ASH1L: variants seen among roughly 807,000 people sequenced by gnomAD.
The protein encoded by ASH1L is ASH1 like histone lysine methyltransferase.
Under a neutral mutation model 269.0 loss-of-function variants are expected in ASH1L, and 23 were observed. The ratio of observed to expected loss-of-function variants is 0.09; its 90% CI spans 0.06 to 0.12. ASH1L has a LOEUF of 0.12. Among genes scored for constraint, ASH1L ranks in the 10% least tolerant of loss-of-function variants. The pLI is 1.00. For synonymous variants in ASH1L, 1,187 were observed against 1,253.5 expected (o/e 0.95, Z 1.12); for missense variants, 2,912 against 3,567.8 (o/e 0.82, Z 4.68).
intron 1 of ASH1L, among the ~76,000 whole-genome samples, chr1:155,536,697 C>T (rs1190367939): frequency 6.6e-6 from 1 of 152,070 alleles, no homozygotes; most frequent in Non-Finnish European, 1.5e-5. Flanking sequence ...CATGCCACTG[C>T]ACTCCAGCCT....
chr1:155,498,382 C>A (rs1057092382), intron 2 of ASH1L, among the ~76,000 whole-genome samples: 1 of 152,074 alleles, frequency 6.6e-6, no homozygotes. Context: ...GGACTACAGG[C>A]ACACACCACC....
chr1:155,490,542 C>G (rs1466306002), intron 2 of ASH1L, among the ~76,000 whole-genome samples: 2 of 151,386 alleles, frequency 1.3e-5, no homozygotes. Context: ...TGCTTGAACC[C>G]AGGAGACGGA....
At chr1:155,482,897 T>C (rs1441164586) in intron 2 of ASH1L, among the ~76,000 whole-genome samples, 1 of 152,206 alleles carries the variant, frequency 6.6e-6, no homozygotes, top group Non-Finnish European at 1.5e-5. Context: ...TAAATGATTC[T>C]AAACCTATAG....
At chr1:155,471,321 A>G (rs1270970540) in intron 3 of ASH1L, among the ~76,000 whole-genome samples, 2 of 152,266 alleles carry the variant, frequency 1.3e-5, no homozygotes, top group Non-Finnish European at 2.9e-5. Flanking sequence ...CGACAGTGAG[A>G]TGAAAGCCTG....
chr1:155,395,585 G>C, intron 6 of ASH1L, 32 bp from the exon 7 acceptor site: 1 of 1,553,558 alleles, frequency 6.4e-7, no homozygotes, highest in South Asian at 1.2e-5. Context: ...AAACAGTCAA[G>C]AGGCAAAGAA....
chr1:155,537,283 T>C (rs979299876), intron 1 of ASH1L, among the ~76,000 whole-genome samples: 2 of 152,090 alleles, frequency 1.3e-5, no homozygotes, highest in African/African-American at 4.8e-5. Context: ...TGAAACGAAT[T>C]TAAAGAAACA....
At chr1:155,496,900 C>A (rs879784360) in intron 2 of ASH1L, among the ~76,000 whole-genome samples, 3 of 152,070 alleles carry the variant, frequency 2.0e-5, no homozygotes, top group Non-Finnish European at 4.4e-5. Context: ...CCCGTCACAA[C>A]CTCCCAAAGT....
chr1:155,413,805 A>G (rs1040974313), intron 6 of ASH1L, among the ~76,000 whole-genome samples: 1 of 152,116 alleles, frequency 6.6e-6, no homozygotes, highest in Non-Finnish European at 1.5e-5. Context: ...TGAAGGTACC[A>G]TTATGAACTT....
At chr1:155,509,379 A>T (rs1010496236) in intron 2 of ASH1L, among the ~76,000 whole-genome samples, 24 of 152,208 alleles carry the variant, frequency 1.6e-4, no homozygotes, top group African/African-American at 5.8e-4. Flanking sequence ...ACAAACAAAA[A>T]ATGTAAATAA....
intron 1 of ASH1L, among the ~76,000 whole-genome samples, chr1:155,558,914 G>A (rs1021371811): frequency 1.3e-5 from 2 of 149,098 alleles, no homozygotes; most frequent in African/African-American, 2.5e-5. Flanking sequence ...GGTGGATCTC[G>A]GCTCACTGCA....
At chr1:155,515,811 C>T (rs190930568) in intron 2 of ASH1L, among the ~76,000 whole-genome samples, 40 of 125,818 alleles carry the variant, frequency 3.2e-4, no homozygotes, top group African/African-American at 1.2e-3. Flanking sequence ...CCAGCCTAGG[C>T]AACAAAAGGA....
intron 2 of ASH1L, among the ~76,000 whole-genome samples, chr1:155,495,929 C>T (rs1358986615): frequency 6.6e-6 from 1 of 152,038 alleles, no homozygotes; most frequent in Non-Finnish European, 1.5e-5. Flanking sequence ...ACCCAGGAGG[C>T]GGAGGCTGCA....
chr1:155,337,658 G>A lies in ASH1L; in HGVS notation c.*2C>T. 1 of 1,612,634 alleles carries A rather than the reference G, an allele frequency of 6.2e-7. No individual in the cohort carries two copies. The highest frequency in any genetic ancestry group is 8.5e-7 in the Non-Finnish European group (1 of 1,178,808). ...ATGCTTGAGGTTCTCATTCTTTGAG[G>A]GTCACTTTCGAAAGCTGTTTTCTGG... is the stretch of plus-strand genomic sequence containing the variant. On this transcript the variant is annotated 3_prime_UTR_variant, in exon 28 of 28. Coordinates refer to ENST00000392403, the MANE Select transcript of ASH1L (RefSeq NM_018489.3).
In ASH1L at chr1:155,414,006, A is replaced by AAAAAG. The variant is rs534751763; in HGVS notation, c.6008+1737_6008+1738insCTTTT. Reference sequence around the variant, plus strand: ...TTTTGTGATATCTACCTCAGTGACAAATCAATAAAAATCTTTTAAATGCAA... The same window carrying AAAAAG: ...TTTTGTGATATCTACCTCAGTGACAAAAAAGATCAATAAAAATCTTTTAAATGCAA... On this transcript the variant is annotated intron_variant, in intron 6 of 27. Transcript: ENST00000392403. Among the ~76,000 whole-genome samples, 15 of 152,292 alleles carry AAAAAG rather than the reference A, an allele frequency of 9.8e-5. No homozygotes were observed. The South Asian group carries it at 3.1e-3, about 32-fold the overall frequency.
intron 5 of ASH1L, among the ~76,000 whole-genome samples, chr1:155,437,229 T>C (rs190758328): frequency 5.7e-4 from 87 of 152,276 alleles, no homozygotes; most frequent in Middle Eastern, 6.8e-3. Flanking sequence ...ATATCCAGAA[T>C]ATATTGAGAA....
At chr1:155,496,993 C>G (rs12079134) in intron 2 of ASH1L, among the ~76,000 whole-genome samples, 48,613 of 151,910 alleles carry the variant, frequency 0.32, 8,298 homozygotes, top group East Asian at 0.72. Context: ...GTCTGCCAGT[C>G]CACCACAACC....
In ASH1L at chr1:155,515,463, A is replaced by G. The variant is rs1252000110; in HGVS notation, c.420+5637T>C. ...AAACAAACTGATTTCTTTTTGGCAC[A>G]AACTTTTATTGTAATGGTTCCTATT... On this transcript the variant is annotated intron_variant, in intron 2 of 27. Transcript: ENST00000392403. Among the ~76,000 whole-genome samples the G allele has an allele frequency of 2.6e-5, 4 of 152,194 alleles. No individual in the cohort carries two copies. In the East Asian group the frequency reaches 7.7e-4, roughly 29 times the overall value.
chr1:155,408,019 A>G (rs1242428857), intron 6 of ASH1L, among the ~76,000 whole-genome samples: 1 of 152,180 alleles, frequency 6.6e-6, no homozygotes, highest in Non-Finnish European at 1.5e-5. Flanking sequence ...TAATATCTCA[A>G]TAAAGGCTTA....
At chr1:155,415,642 G>T in intron 6 of ASH1L, 102 bp downstream of exon 6, 3 of 1,350,080 alleles carry the variant, frequency 2.2e-6, no homozygotes, top group Non-Finnish European at 3.1e-6. Flanking sequence ...CAATCATCAC[G>T]CTTATGAAAC....
Sources: allele counts gnomAD v4.1 joint callset (sites outside exome capture counted in the v4.1 genomes callset), GRCh38; gene constraint gnomAD v4.1.1; transcripts MANE v1.5; gene names NCBI Gene and HGNC (gene_info 2026-07-23, HGNC 2026-07-21).